Variants in ULK4 observed in about 807,000 individuals in gnomAD.
ULK4 encodes unc-51 like kinase 4, also known as inactive serine/threonine-protein kinase ULK4.
ULK4 carries 133 observed loss-of-function variants against 160.6 expected under a neutral mutation model. That is an observed-to-expected ratio of 0.83 (90% CI 0.72 to 0.96). ULK4 has a LOEUF of 0.96. Ranked by LOEUF, ULK4 falls within the 40% of genes least tolerant of loss-of-function variation. The probability of loss-of-function intolerance (pLI) is 0.00; values close to 1 mark genes in which losing one functional copy is unlikely to be tolerated. For synonymous variants in ULK4, 534 were observed against 539.8 expected (o/e 0.99, Z 0.15); for missense variants, 1,580 against 1,499.5 (o/e 1.05, Z -0.89).
chr3:41,502,183 C>G (rs1270464606), intron 32 of ULK4, among the ~76,000 whole-genome samples: 1 of 152,230 alleles, frequency 6.6e-6, no homozygotes, highest in Admixed American at 6.5e-5. Context: ...TCTTTTGGCA[C>G]ATGAATTTCA....
At chr3:41,600,142 A>T (rs997324720) in intron 31 of ULK4, among the ~76,000 whole-genome samples, 2 of 152,184 alleles carry the variant, frequency 1.3e-5, no homozygotes, top group African/African-American at 4.8e-5. Context: ...ACAGACTAAA[A>T]GCTTGTCACA....
At chr3:41,350,128 T>C (rs1019819487) in intron 35 of ULK4, among the ~76,000 whole-genome samples, 2 of 152,226 alleles carry the variant, frequency 1.3e-5, no homozygotes, top group African/African-American at 2.4e-5. Context: ...TTTAACATTC[T>C]CATATTTAAC....
intron 3 of ULK4, 139 bp from the exon 4 acceptor site, chr3:41,936,079 A>G: frequency 9.3e-7 from 1 of 1,079,458 alleles, no homozygotes; most frequent in Non-Finnish European, 1.3e-6. Flanking sequence ...AGGAACACAC[A>G]TGTGAGTAAA....
At chr3:41,537,587 G>C (rs1403252474) in intron 32 of ULK4, among the ~76,000 whole-genome samples, 2 of 152,116 alleles carry the variant, frequency 1.3e-5, no homozygotes, top group Non-Finnish European at 2.9e-5. Flanking sequence ...TTTAACTCAT[G>C]GGGTTCTGGT....
intron 34 of ULK4, among the ~76,000 whole-genome samples, chr3:41,434,222 C>T (rs958942502): frequency 5.9e-5 from 9 of 152,142 alleles, no homozygotes; most frequent in African/African-American, 1.9e-4. Flanking sequence ...TGGTTCCTTT[C>T]CCTAAGATAT....
chr3:41,314,815 C>G (rs112603198), intron 35 of ULK4, among the ~76,000 whole-genome samples: 1 of 149,554 alleles, frequency 6.7e-6, no homozygotes, highest in South Asian at 2.1e-4. Flanking sequence ...TGCAGTGTGT[C>G]TGTGTGTGTG....
At chr3:41,898,326 A>G in intron 14 of ULK4, 106 bp downstream of exon 14, 1 of 713,646 alleles carries the variant, frequency 1.4e-6, no homozygotes, top group Non-Finnish European at 2.3e-6. Context: ...AATTGTCAAG[A>G]CAAAATAAAT....
In ULK4 at chr3:41,815,462, G is replaced by T. The variant is rs1182466338; in HGVS notation, c.1848+3961C>A. 3.3e-5 allele frequency among the ~76,000 whole-genome samples: 5 copies of T among 149,472 alleles called. No individual in the cohort carries two copies. In the South Asian group the frequency reaches 8.4e-4, roughly 25 times the overall value. On this transcript the variant is annotated intron_variant, in intron 19 of 36. Coordinates refer to ENST00000301831, the MANE Select transcript of ULK4 (RefSeq NM_017886.4). ...ATACTTTATTAACAATGAAATATACGATTTCACTTTTTTTTACTACAGTTG... is the reference window on the plus strand; with the variant it reads ...ATACTTTATTAACAATGAAATATACTATTTCACTTTTTTTTACTACAGTTG...
intron 35 of ULK4, among the ~76,000 whole-genome samples, chr3:41,318,208 T>C (rs568214030): frequency 9.2e-5 from 14 of 152,236 alleles, no homozygotes; most frequent in Admixed American, 2.6e-4. Context: ...GAGAAATAAA[T>C]AGTAATAGAT....
intron 35 of ULK4, among the ~76,000 whole-genome samples, chr3:41,336,594 A>G (rs1482250799): frequency 6.6e-6 from 1 of 152,224 alleles, no homozygotes; most frequent in Non-Finnish European, 1.5e-5. Context: ...GGCGCAGAAG[A>G]AGAAACAACA....
chr3:41,879,110 T>A (rs972258197), intron 17 of ULK4, among the ~76,000 whole-genome samples: 2 of 151,946 alleles, frequency 1.3e-5, no homozygotes, highest in African/African-American at 4.8e-5. Flanking sequence ...ATTAAGAGAC[T>A]TAAGGGTCAC....
intron 35 of ULK4, among the ~76,000 whole-genome samples, chr3:41,277,445 C>A (rs953188339): frequency 1.3e-5 from 2 of 152,182 alleles, no homozygotes; most frequent in Non-Finnish European, 2.9e-5. Context: ...GATGGCTTAA[C>A]ATATGCAAGT....
At chr3:41,270,615 G>C (rs1196111267) in intron 35 of ULK4, among the ~76,000 whole-genome samples, 1 of 152,220 alleles carries the variant, frequency 6.6e-6, no homozygotes, top group African/African-American at 2.4e-5. Context: ...GTAATGGTAA[G>C]AGCTAACAAG....
At position 41,369,793 on chromosome 3, in the gene ULK4, C is replaced by CAAA. The variant is rs555783980; in HGVS notation, c.3678+28283_3678+28285dup. Among the ~76,000 whole-genome samples the CAAA allele has an allele frequency of 3.9e-3, 385 of 98,022 alleles. 2 individuals are homozygous for CAAA. The highest frequency in any genetic ancestry group is 0.022 in the East Asian group (66 of 2,938). 64.3% of individuals were successfully genotyped at this position (98,022 alleles called of 152,430 possible). Reference sequence around the variant, plus strand: ...TGGGTGACAGAGTGAGACTATGTCTCAAAAAAAAAAAAAAAAATCTCATTT... The same window carrying CAAA: ...TGGGTGACAGAGTGAGACTATGTCTCAAAAAAAAAAAAAAAAAAAATCTCATTT... On this transcript the variant is annotated intron_variant, in intron 35 of 36. Coordinates refer to ENST00000301831, the MANE Select transcript of ULK4 (RefSeq NM_017886.4).
intron 18 of ULK4, among the ~76,000 whole-genome samples, chr3:41,828,357 T>C (rs994027105): frequency 2.7e-5 from 4 of 150,546 alleles, no homozygotes; most frequent in East Asian, 1.9e-4. Context: ...GGAAGTCAAA[T>C]TGTCCCTGTT....
chr3:41,324,754 G>C (rs1002059262), intron 35 of ULK4, among the ~76,000 whole-genome samples: 4 of 152,144 alleles, frequency 2.6e-5, no homozygotes, highest in African/African-American at 9.7e-5. Context: ...GCCTCCACCT[G>C]CCAGCATTTT....
At chr3:41,623,340 A>G (rs1162172135) in intron 30 of ULK4, among the ~76,000 whole-genome samples, 1 of 152,138 alleles carries the variant, frequency 6.6e-6, no homozygotes, top group African/African-American at 2.4e-5. Flanking sequence ...TGAAGGGAAA[A>G]TGAGATACAG....
In ULK4 at chr3:41,409,077, G is replaced by A. The variant is rs1586454; in HGVS notation, c.3493-10813C>T. ...TTGACAACAGCCTGGGGAACGTGGC[G>A]AAACCCCATCTCTACAAAAAATACA... On this transcript the variant is annotated intron_variant, in intron 34 of 36. Coordinates refer to ENST00000301831, the MANE Select transcript of ULK4 (RefSeq NM_017886.4). 2.5e-3 allele frequency among the ~76,000 whole-genome samples: 383 copies of A among 152,064 alleles called. 2 individuals carry two copies. The highest frequency in any genetic ancestry group is 0.015 in the East Asian group (77 of 5,168).
At chr3:41,408,090 G>C (rs908571490) in intron 34 of ULK4, among the ~76,000 whole-genome samples, 7 of 151,450 alleles carry the variant, frequency 4.6e-5, no homozygotes, top group African/African-American at 1.7e-4. Context: ...ATTTATAATA[G>C]CATTAAAACA....
Sources: gnomAD v4.1 joint callset for allele counts (sites outside exome capture counted in the v4.1 genomes callset) on GRCh38, gnomAD v4.1.1 for gene constraint, MANE v1.5 for transcripts, NCBI Gene and HGNC (gene_info 2026-07-23, HGNC 2026-07-21) for gene names.